ARHGAP15: variants seen among roughly 807,000 people sequenced by gnomAD.
ARHGAP15 encodes the protein Rho GTPase activating protein 15, also known as rho GTPase-activating protein 15.
Under a neutral mutation model 63.7 loss-of-function variants are expected in ARHGAP15, and 51 were observed. The ratio of observed to expected loss-of-function variants is 0.80; its 90% CI spans 0.64 to 1.01. The LOEUF (loss-of-function observed/expected upper bound fraction) is 1.01. Among genes scored for constraint, ARHGAP15 ranks in the 50% least tolerant of loss-of-function variants. The pLI is 0.00. For synonymous variants in ARHGAP15, 191 were observed against 193.8 expected, an observed-to-expected ratio of 0.99 and a Z score of 0.12; for missense variants, 560 against 564.6, an observed-to-expected ratio of 0.99 and a Z score of 0.08.
intron 3 of ARHGAP15, among the ~76,000 whole-genome samples, chr2:143,203,680 A>G (rs987914494): frequency 6.6e-6 from 1 of 151,920 alleles, no homozygotes. Context: ...CCACTTTCTC[A>G]TGGCTCTCCA....
rs76597708 is a variant in ARHGAP15 at position 143,288,990 on chromosome 2, T to A, written c.474+38390T>A. Among the ~76,000 whole-genome samples, 582 of 152,124 alleles carry A rather than the reference T, an allele frequency of 3.8e-3. 5 individuals carry two copies. Among genetic ancestry groups the A allele is most frequent in the African/African-American group, 0.013 (552 of 41,488 alleles). On this transcript the variant is annotated intron_variant, in intron 6 of 13. Transcript: ENST00000295095. ...TTTCTCCACCTTGCACAAAACAGCA[T>A]CAAGCCTGTCACCACCGACAGTAAG...
intron 11 of ARHGAP15, among the ~76,000 whole-genome samples, chr2:143,622,727 T>C (rs1470777075): frequency 1.4e-5 from 2 of 144,696 alleles, no homozygotes; most frequent in South Asian, 4.3e-4. Flanking sequence ...GCAAACACAC[T>C]GTTGAGCAGG....
intron 12 of ARHGAP15, among the ~76,000 whole-genome samples, chr2:143,631,516 T>C (rs1467881230): frequency 6.6e-6 from 1 of 152,108 alleles, no homozygotes; most frequent in African/African-American, 2.4e-5. Flanking sequence ...TTTTAGCCAT[T>C]CTATGTGTGA....
chr2:143,251,771 C>T (rs1470856928), intron 6 of ARHGAP15, among the ~76,000 whole-genome samples: 2 of 151,598 alleles, frequency 1.3e-5, no homozygotes, highest in Non-Finnish European at 3.0e-5. Flanking sequence ...AGAAGAAAAC[C>T]AAACACGCTT....
chr2:143,253,269 G>T (rs1680252438), intron 6 of ARHGAP15, among the ~76,000 whole-genome samples: 1 of 136,116 alleles, frequency 7.3e-6, no homozygotes, highest in African/African-American at 2.6e-5. Flanking sequence ...CAGAGAAGTT[G>T]AACTTAAAAT....
At chr2:143,177,420 A>C (rs1412389475) in intron 2 of ARHGAP15, among the ~76,000 whole-genome samples, 1 of 152,154 alleles carries the variant, frequency 6.6e-6, no homozygotes, top group Admixed American at 6.5e-5. Flanking sequence ...ACTCTCACCA[A>C]GTATGGGTTA....
At chr2:143,185,062 G>A (rs1691387823) in intron 2 of ARHGAP15, among the ~76,000 whole-genome samples, 1 of 152,104 alleles carries the variant, frequency 6.6e-6, no homozygotes, top group East Asian at 1.9e-4. Context: ...CCAAATGAAT[G>A]TAATAATTTC....
At chr2:143,357,895 A>C (rs1455511841) in intron 6 of ARHGAP15, among the ~76,000 whole-genome samples, 1 of 152,160 alleles carries the variant, frequency 6.6e-6, no homozygotes, top group Non-Finnish European at 1.5e-5. Flanking sequence ...GCATAGTTTT[A>C]TTTTTCTATC....
intron 6 of ARHGAP15, among the ~76,000 whole-genome samples, chr2:143,425,059 A>G (rs1689084817): frequency 6.6e-6 from 1 of 152,168 alleles, no homozygotes; most frequent in African/African-American, 2.4e-5. Context: ...AATAAATTAT[A>G]TAGTCACCCT....
At chr2:143,586,320 C>T (rs944373009) in intron 11 of ARHGAP15, among the ~76,000 whole-genome samples, 2 of 152,052 alleles carry the variant, frequency 1.3e-5, no homozygotes, top group Non-Finnish European at 2.9e-5. Context: ...TCTGTATTTT[C>T]AAAACTTTTC....
intron 12 of ARHGAP15, among the ~76,000 whole-genome samples, chr2:143,644,217 G>T (rs1386527235): frequency 6.6e-6 from 1 of 152,086 alleles, no homozygotes; most frequent in African/African-American, 2.4e-5. Flanking sequence ...TTGGACAAAA[G>T]TATGATCTAA....
intron 6 of ARHGAP15, among the ~76,000 whole-genome samples, chr2:143,402,275 C>A (rs923179951): frequency 6.6e-6 from 1 of 151,746 alleles, no homozygotes; most frequent in African/African-American, 2.4e-5. Context: ...ATGCAGGATA[C>A]GTTTATTAAG....
chr2:143,602,404 C>T (rs1437178814), intron 11 of ARHGAP15, among the ~76,000 whole-genome samples: 1 of 152,066 alleles, frequency 6.6e-6, no homozygotes, highest in African/African-American at 2.4e-5. Context: ...AATCGAAATA[C>T]AGTTGCATTC....
At chr2:143,737,461 A>G (rs1029058069) in intron 13 of ARHGAP15, among the ~76,000 whole-genome samples, 1 of 152,258 alleles carries the variant, frequency 6.6e-6, no homozygotes, top group African/African-American at 2.4e-5. Flanking sequence ...GAAAATGTAG[A>G]ACATGAGGAT....
At chr2:143,478,215 T>C (rs762814853) in intron 8 of ARHGAP15, among the ~76,000 whole-genome samples, 1 of 152,216 alleles carries the variant, frequency 6.6e-6, no homozygotes, top group Non-Finnish European at 1.5e-5. Context: ...CCTACCCAGA[T>C]GTATTCTTCA....
At chr2:143,421,457 G>A (rs1197476817) in intron 6 of ARHGAP15, among the ~76,000 whole-genome samples, 3 of 151,922 alleles carry the variant, frequency 2.0e-5, no homozygotes, top group Non-Finnish European at 4.4e-5. Context: ...GAGGGACAAA[G>A]GGACTGGGAG....
At chr2:143,427,037 T>TA (rs145876295) in intron 6 of ARHGAP15, among the ~76,000 whole-genome samples, 15,147 of 152,170 alleles carry the variant, frequency 0.1, 970 homozygotes, top group Middle Eastern at 0.15. Context: ...AAAAGTGAGG[T>TA]AAAGTATGTG....
intron 6 of ARHGAP15, among the ~76,000 whole-genome samples, chr2:143,402,768 A>G (rs1688037961): frequency 6.6e-6 from 1 of 152,002 alleles, no homozygotes; most frequent in South Asian, 2.1e-4. Context: ...GAAAAACCCC[A>G]GAAACACTGC....
chr2:143,252,960 T>C (rs1283683409), intron 6 of ARHGAP15, among the ~76,000 whole-genome samples: 1 of 152,072 alleles, frequency 6.6e-6, no homozygotes, highest in Non-Finnish European at 1.5e-5. Context: ...TTGGAGTGTA[T>C]GTGTGCAATG....
Sources: gnomAD v4.1 joint callset for allele counts (sites outside exome capture counted in the v4.1 genomes callset) on GRCh38, gnomAD v4.1.1 for gene constraint, MANE v1.5 for transcripts, NCBI Gene and HGNC (gene_info 2026-07-23, HGNC 2026-07-21) for gene names.